The following GAREM2 variants were observed in gnomAD, a reference collection of about 807,000 sequenced individuals.
GAREM2 encodes GRB2 associated regulator of MAPK1 subtype 2, also known as GRB2-associated and regulator of MAPK protein 2.
GAREM2 carries 30 observed loss-of-function variants against 55.6 expected under a neutral mutation model. The observed-to-expected ratio is 0.54, with a 90% CI of 0.40 to 0.73. The LOEUF (loss-of-function observed/expected upper bound fraction) is 0.73, where lower values mean the gene tolerates loss of function less well. Among genes scored for constraint, GAREM2 ranks in the 30% least tolerant of loss-of-function variants. GAREM2 has a pLI of 0.00. For synonymous variants in GAREM2, 550 were observed against 569.1 expected, an observed-to-expected ratio of 0.97 and a Z score of 0.48; for missense variants, 1,075 against 1,257.7, an observed-to-expected ratio of 0.85 and a Z score of 2.20.
At chr2:26,193,445 A>C, downstream of GAREM2, 1 of 826,356 alleles carries the variant, frequency 1.2e-6, no homozygotes, top group Admixed American at 1.8e-5. Context: ...ATCATTTTTG[A>C]AATCGCCAGT....
At chr2:26,178,713 C>T (rs1339362179) in intron 2 of GAREM2, among the ~76,000 whole-genome samples, 1 of 152,218 alleles carries the variant, frequency 6.6e-6, no homozygotes, top group Non-Finnish European at 1.5e-5. Flanking sequence ...ACCCAAGGCA[C>T]AGTCTCCCAG....
downstream of GAREM2, chr2:26,192,436 A>C: frequency 7.6e-7 from 1 of 1,310,320 alleles, no homozygotes; most frequent in South Asian, 1.2e-5. Context: ...TAAAACAGGC[A>C]AGAAAAGGGA....
At chr2:26,200,605 G>A in the GAREM2 span, among the ~76,000 whole-genome samples, 3 of 152,166 alleles carry the variant, frequency 2.0e-5, no homozygotes, top group Non-Finnish European at 4.4e-5. Flanking sequence ...GTATGTTTGG[G>A]TGACAGAGCT....
At chr2:26,178,493 TG>T (rs1281568898) in intron 2 of GAREM2, among the ~76,000 whole-genome samples, 1 of 151,662 alleles carries the variant, frequency 6.6e-6, no homozygotes. Context: ...TGAAGCCAGG[TG>T]GGGGGGATCC....
At chr2:26,192,968 C>T (rs1574601703), downstream of GAREM2, among the ~76,000 whole-genome samples, 1 of 152,056 alleles carries the variant, frequency 6.6e-6, no homozygotes, top group Non-Finnish European at 1.5e-5. Context: ...TTTAACATCC[C>T]CATATGCAGC....
chr2:26,180,827 A>G (rs1669026171), intron 2 of GAREM2: 1 of 710,556 alleles, frequency 1.4e-6, no homozygotes, highest in South Asian at 6.4e-5. Flanking sequence ...CATGTTGGCC[A>G]GGCTGGTCTC....
downstream of GAREM2, among the ~76,000 whole-genome samples, chr2:26,192,883 G>A (rs2147751142): frequency 6.6e-6 from 1 of 152,348 alleles, no homozygotes; most frequent in East Asian, 1.9e-4. Context: ...AGAGTGGGCA[G>A]AGAAGGAAAG....
chr2:26,202,967 G>A, the GAREM2 span, among the ~76,000 whole-genome samples: 2 of 152,218 alleles, frequency 1.3e-5, no homozygotes, highest in African/African-American at 2.4e-5. Flanking sequence ...TTTCTAAGAC[G>A]AAAAGGGGAA....
At chr2:26,173,421 C>A (rs1668763436) in intron 1 of GAREM2, 89 bp downstream of exon 1, 3 of 676,102 alleles carry the variant, frequency 4.4e-6, no homozygotes, top group Non-Finnish European at 4.1e-6. Context: ...GAGGAGGGTG[C>A]GGCACCCGCA....
intron 2 of GAREM2, 52 bp downstream of exon 2, chr2:26,176,536 G>A: frequency 7.0e-7 from 1 of 1,427,314 alleles, no homozygotes; most frequent in Non-Finnish European, 9.3e-7. Flanking sequence ...GTGTAGGCAG[G>A]AGGGACTGGG....
the GAREM2 span, chr2:26,203,911 A>T: frequency 2.6e-6 from 2 of 783,172 alleles, no homozygotes; most frequent in Non-Finnish European, 4.4e-6. Context: ...TGGCTTCACT[A>T]CGGAGTATCT....
intron 2 of GAREM2, among the ~76,000 whole-genome samples, chr2:26,177,649 C>T (rs546285207): frequency 6.6e-6 from 1 of 151,300 alleles, no homozygotes; most frequent in African/African-American, 2.4e-5. Flanking sequence ...AGGCCCAGTT[C>T]TGTGTGTGTG....
rs1668976704 is a variant in GAREM2 at position 26,179,570 on chromosome 2, G to A, written c.253+3086G>A. ...AGCGAGGCAGCCATGTGCTCTGAGG[G>A]CAAGGACAAGGAGGAGGGGCAGGTC... On this transcript the variant is annotated intron_variant, in intron 2 of 5. Coordinates refer to ENST00000401533, the MANE Select transcript of GAREM2 (RefSeq NM_001168241.2). This position sits in a 1 kb window ranked among gnomAD's most constrained non-coding sequence, Gnocchi z 4.7. Among the ~76,000 whole-genome samples, 1 of 152,118 alleles carries A rather than the reference G, an allele frequency of 6.6e-6. No individual in the cohort carries two copies. Among genetic ancestry groups the A allele is most frequent in the South Asian group, 2.1e-4 (1 of 4,828 alleles).
Position 26,188,070 on chromosome 2 carries a change from A to T in GAREM2, c.2438A>T (p.Glu813Val). ...GACCTGTCTGCACTCTCCCTGGAGG[A>T]GGTCTCTCGCAGTCTGCGTTTCATC... ...PADLSALSLE[E>V]VSRSLRFIGL... Residue 813 changes from glutamate to valine, a missense_variant, in exon 6 of 6, where the codon GAG becomes GTG. Coordinates refer to ENST00000401533, the MANE Select transcript of GAREM2 (RefSeq NM_001168241.2). The T allele has an allele frequency of 6.5e-7, 1 of 1,546,442 alleles. No homozygotes were observed. The highest frequency in any genetic ancestry group is 8.7e-7 in the Non-Finnish European group (1 of 1,143,878).
At chr2:26,181,455 A>G (rs1029911886) in intron 2 of GAREM2, 7 of 152,178 alleles carry the variant, frequency 4.6e-5, no homozygotes, top group African/African-American at 1.7e-4. Flanking sequence ...GCCGTCTTGT[A>G]ACTCTTTTGT....
the GAREM2 span, among the ~76,000 whole-genome samples, chr2:26,202,541 G>A: frequency 6.6e-6 from 1 of 152,208 alleles, no homozygotes; most frequent in African/African-American, 2.4e-5. Flanking sequence ...AGGAGTTCAA[G>A]ACAAGCCTAA....
At chr2:26,175,678 G>A (rs1668842663) in intron 1 of GAREM2, among the ~76,000 whole-genome samples, 1 of 152,180 alleles carries the variant, frequency 6.6e-6, no homozygotes, top group Non-Finnish European at 1.5e-5. Flanking sequence ...AGGAAGGGCT[G>A]CCCTTGGGAG....
chr2:26,198,565 G>C, the GAREM2 span, among the ~76,000 whole-genome samples: 1 of 151,556 alleles, frequency 6.6e-6, no homozygotes, highest in Admixed American at 6.6e-5. Context: ...TCCTAACAGA[G>C]ATGAGAATCA....
the GAREM2 span, chr2:26,195,233 C>G: frequency 6.2e-7 from 1 of 1,612,464 alleles, no homozygotes; most frequent in Admixed American, 1.7e-5. Context: ...TGCCAATCAC[C>G]TGGCAAGGGG....
Sources: allele counts gnomAD v4.1 joint callset (sites outside exome capture counted in the v4.1 genomes callset), GRCh38; gene constraint gnomAD v4.1.1; non-coding constraint Gnocchi (gnomAD v3.1); transcripts MANE v1.5; gene names NCBI Gene and HGNC (gene_info 2026-07-23, HGNC 2026-07-21).